Variants in CHST9 observed in about 807,000 individuals in gnomAD.
CHST9 encodes GalNAc-4-sulfotransferase 2.
Under a neutral mutation model 44.4 loss-of-function variants are expected in CHST9, and 41 were observed. That is an observed-to-expected ratio of 0.92 (90% CI 0.72 to 1.20). The LOEUF is 1.20. Ranked by LOEUF, CHST9 falls within the 50% of genes most tolerant of loss-of-function variation. The pLI is 0.00. For missense variants in CHST9, 504 were observed against 516.5 expected (o/e 0.98, Z 0.23); for synonymous variants, 171 against 178.4 (o/e 0.96, Z 0.33).
intron 4 of CHST9, among the ~76,000 whole-genome samples, chr18:27,011,385 C>A (rs114574314): frequency 3.3e-5 from 5 of 151,926 alleles, no homozygotes; most frequent in African/African-American, 1.2e-4. Context: ...AGTGCAGGGC[C>A]GTGAGCGGAA....
At chr18:27,161,288 C>T (rs1352992836) in intron 1 of CHST9, among the ~76,000 whole-genome samples, 1 of 152,190 alleles carries the variant, frequency 6.6e-6, no homozygotes, top group Non-Finnish European at 1.5e-5. Flanking sequence ...TTAATAGTGT[C>T]CCAGAGATTC....
chr18:27,157,466 G>C (rs955789939), intron 1 of CHST9, among the ~76,000 whole-genome samples: 2 of 152,064 alleles, frequency 1.3e-5, no homozygotes, highest in African/African-American at 4.8e-5. Flanking sequence ...CTTATCTCTC[G>C]TTTCACATTC....
intron 4 of CHST9, among the ~76,000 whole-genome samples, chr18:26,965,663 G>A (rs142339599): frequency 9.5e-4 from 144 of 152,338 alleles, no homozygotes; most frequent in Admixed American, 2.0e-3. Flanking sequence ...AAGACTAAAT[G>A]AATAATGTGT....
At chr18:26,994,784 T>C (rs1359802087) in intron 4 of CHST9, among the ~76,000 whole-genome samples, 5 of 152,114 alleles carry the variant, frequency 3.3e-5, no homozygotes, top group Non-Finnish European at 7.4e-5. Flanking sequence ...AGATGGGGTT[T>C]CACCACGTTG....
chr18:26,977,235 G>A (rs1038616273), intron 4 of CHST9, among the ~76,000 whole-genome samples: 2 of 151,982 alleles, frequency 1.3e-5, no homozygotes, highest in African/African-American at 4.8e-5. Flanking sequence ...AAACCCAGAT[G>A]GAAGCTGTCT....
intron 2 of CHST9, among the ~76,000 whole-genome samples, chr18:27,085,090 T>G (rs551032916): frequency 6.6e-6 from 1 of 152,276 alleles, no homozygotes; most frequent in South Asian, 2.1e-4. Flanking sequence ...GTATATGCCA[T>G]GTGCAGACGA....
intron 1 of CHST9, among the ~76,000 whole-genome samples, chr18:27,161,922 G>C (rs1349848605): frequency 2.0e-5 from 3 of 151,692 alleles, no homozygotes; most frequent in African/African-American, 7.3e-5. Context: ...CAGAGACTAG[G>C]ATTGCAACCC....
At chr18:26,918,264 C>T (rs118031579) in intron 5 of CHST9, among the ~76,000 whole-genome samples, 2,361 of 152,138 alleles carry the variant, frequency 0.016, 20 homozygotes, top group Non-Finnish European at 0.023. Flanking sequence ...TTTTGTAGGG[C>T]TCTGGGTAGA....
intron 5 of CHST9, among the ~76,000 whole-genome samples, chr18:26,918,271 T>C (rs767908588): frequency 7.9e-5 from 12 of 152,048 alleles, no homozygotes; most frequent in Non-Finnish European, 1.5e-4. Flanking sequence ...GGGCTCTGGG[T>C]AGAAAAGTAA....
intron 1 of CHST9, 36 bp from the exon 2 acceptor site, chr18:27,142,941 C>CCTG: frequency 2.6e-6 from 2 of 765,838 alleles, no homozygotes; most frequent in South Asian, 2.4e-5. Context: ...TTGTACATTT[C>CCTG]TGCTAATATT....
At chr18:27,022,894 G>T (rs1243359801) in intron 4 of CHST9, among the ~76,000 whole-genome samples, 1 of 152,152 alleles carries the variant, frequency 6.6e-6, no homozygotes, top group Non-Finnish European at 1.5e-5. Context: ...CCAGTAAAGT[G>T]AAGACAAAAA....
At chr18:27,026,186 G>A (rs9966465) in intron 3 of CHST9, among the ~76,000 whole-genome samples, 239 of 152,238 alleles carry the variant, frequency 1.6e-3, no homozygotes, top group African/African-American at 5.2e-3. Flanking sequence ...CTGGAGACCT[G>A]ATATTAGGGC....
chr18:27,084,577 T>C (rs536642416), intron 2 of CHST9, among the ~76,000 whole-genome samples: 1 of 151,904 alleles, frequency 6.6e-6, no homozygotes, highest in Admixed American at 6.6e-5. Context: ...CTACCAATCT[T>C]ATCTATTCTT....
intron 4 of CHST9, among the ~76,000 whole-genome samples, chr18:26,988,938 T>C (rs2056785037): frequency 6.6e-6 from 1 of 152,130 alleles, no homozygotes; most frequent in Non-Finnish European, 1.5e-5. Context: ...AAATGAATTT[T>C]GAAATGAATG....
chr18:26,914,809 C>T lies in CHST9; in HGVS notation c.*1450G>A, dbSNP rs576608270. On this transcript the variant is annotated 3_prime_UTR_variant, in exon 6 of 6. Transcript: ENST00000618847. ...ACCTACTGTTCTTTGAAAGCCATTACTGAATATTTACTGATAAGAAAAAAA... is the reference window on the plus strand; with the variant it reads ...ACCTACTGTTCTTTGAAAGCCATTATTGAATATTTACTGATAAGAAAAAAA... The T allele has an allele frequency of 1.3e-4, 50 of 396,236 alleles. 1 individual carries two copies. The South Asian group carries it at 5.7e-3, about 45-fold the overall frequency. 24.5% of individuals were successfully genotyped at this position (396,236 alleles called of 1,614,324 possible).
intron 5 of CHST9, among the ~76,000 whole-genome samples, chr18:26,929,292 C>G (rs1008019525): frequency 1.3e-5 from 2 of 152,162 alleles, no homozygotes; most frequent in Non-Finnish European, 2.9e-5. Flanking sequence ...AACCAAGAGC[C>G]ATGCCAAAAT....
At chr18:27,046,468 C>G (rs2057501222) in intron 3 of CHST9, among the ~76,000 whole-genome samples, 1 of 151,880 alleles carries the variant, frequency 6.6e-6, no homozygotes. Flanking sequence ...GAGATAAACT[C>G]AGCTGTAAAC....
rs563808715 is a variant in CHST9 at position 26,996,474 on chromosome 18, G to C, written c.202+27642C>G. Among the ~76,000 whole-genome samples, 28 of 152,138 alleles carry C rather than the reference G, an allele frequency of 1.8e-4. No individual in the cohort carries two copies. The South Asian group carries it at 5.6e-3, about 31-fold the overall frequency. On this transcript the variant is annotated intron_variant, in intron 4 of 5. Transcript: ENST00000618847. ...GAGATCTGGTTGTTTAAAAGTGTGTGGTACATGCAGGATATGAGGGAGAGG... is the reference window on the plus strand; with the variant it reads ...GAGATCTGGTTGTTTAAAAGTGTGTCGTACATGCAGGATATGAGGGAGAGG...
chr18:27,033,140 T>C (rs1382155964), intron 3 of CHST9, among the ~76,000 whole-genome samples: 1 of 152,206 alleles, frequency 6.6e-6, no homozygotes, highest in Admixed American at 6.5e-5. Flanking sequence ...GACCTTGTAT[T>C]ATTCCAGAAA....
Sources: gnomAD v4.1 joint callset for allele counts (sites outside exome capture counted in the v4.1 genomes callset) on GRCh38, gnomAD v4.1.1 for gene constraint, MANE v1.5 for transcripts, NCBI Gene and HGNC (gene_info 2026-07-23, HGNC 2026-07-21) for gene names.